ITPR2: variants seen among roughly 807,000 people sequenced by gnomAD.
ITPR2 encodes the protein inositol 1,4,5-trisphosphate receptor type 2.
ITPR2 carries 207 observed loss-of-function variants against 317.1 expected under a neutral mutation model. The observed-to-expected ratio is 0.65, with a 90% CI of 0.58 to 0.73. The LOEUF is 0.73. ITPR2 is among the 30% of genes least tolerant of loss of function. The pLI is 0.00. For missense variants in ITPR2, 2,613 were observed against 3,284.0 expected (o/e 0.80, Z 4.99); for synonymous variants, 1,156 against 1,149.1 (o/e 1.01, Z -0.12).
intron 32 of ITPR2, among the ~76,000 whole-genome samples, chr12:26,589,813 T>A (rs374117848): frequency 0.16 from 5,628 of 34,380 alleles, 1,291 homozygotes; most frequent in Non-Finnish European, 0.23. Flanking sequence ...AAATAAAAAA[T>A]AAATAAATAA....
intron 55 of ITPR2, among the ~76,000 whole-genome samples, chr12:26,380,670 T>G (rs1939482599): frequency 6.6e-6 from 1 of 152,198 alleles, no homozygotes; most frequent in Admixed American, 6.5e-5. Flanking sequence ...ACATATAATT[T>G]CATAATTATG....
At chr12:26,578,878 A>C in intron 33 of ITPR2, 45 bp from the exon 34 acceptor site, 5 of 1,566,174 alleles carry the variant, frequency 3.2e-6, no homozygotes, top group Non-Finnish European at 4.4e-6. Flanking sequence ...CTAAACCATT[A>C]ACAGCCCTGA....
chr12:26,710,959 TTTG>T (rs1257740700), intron 9 of ITPR2, among the ~76,000 whole-genome samples: 2 of 152,198 alleles, frequency 1.3e-5, no homozygotes, highest in Non-Finnish European at 2.9e-5. Context: ...CTGCAGAGTT[TTTG>T]TTGTTATTAT....
rs567253247 is a variant in ITPR2, at chr12:26,829,573, A to G, written c.92+3117T>C. ...CCCAGGCTGGATCACGGCATTCTTA[A>G]TTTTACAGTTTGTCTTATTCTATAA... On this transcript the variant is annotated intron_variant, in intron 1 of 56. Transcript: ENST00000381340. Among the ~76,000 whole-genome samples the G allele has an allele frequency of 1.2e-4, 19 of 152,108 alleles. 1 individual carries two copies. In the South Asian group the frequency reaches 2.7e-3, roughly 22 times the overall value.
chr12:26,642,558 G>A (rs1947015213), intron 21 of ITPR2, among the ~76,000 whole-genome samples: 1 of 152,180 alleles, frequency 6.6e-6, no homozygotes, highest in Non-Finnish European at 1.5e-5. Flanking sequence ...CCGGAGCTGT[G>A]AGCAATAAAT....
chr12:26,508,031 A>C (rs773635619), intron 37 of ITPR2, among the ~76,000 whole-genome samples: 28 of 152,090 alleles, frequency 1.8e-4, no homozygotes, highest in Non-Finnish European at 4.0e-4. Flanking sequence ...GTAAGCATAA[A>C]TGACTGGGTT....
chr12:26,451,993 A>G (rs1941753376), intron 45 of ITPR2, among the ~76,000 whole-genome samples: 1 of 152,180 alleles, frequency 6.6e-6, no homozygotes, highest in African/African-American at 2.4e-5. Flanking sequence ...ATGCTTCTCA[A>G]AATGGGGTTT....
chr12:26,345,855 A>T (rs1229970819), intron 55 of ITPR2, among the ~76,000 whole-genome samples: 1 of 149,410 alleles, frequency 6.7e-6, no homozygotes, highest in Non-Finnish European at 1.5e-5. Flanking sequence ...TCGACTTGTA[A>T]TATGTATGCC....
chr12:26,392,260 A>G (rs1400670864), intron 54 of ITPR2, among the ~76,000 whole-genome samples: 3 of 152,202 alleles, frequency 2.0e-5, no homozygotes, highest in Non-Finnish European at 4.4e-5. Context: ...CTGTTAATGA[A>G]GTCCTTGTTG....
At chr12:26,669,754 A>G (rs1314157530) in intron 13 of ITPR2, among the ~76,000 whole-genome samples, 1 of 152,270 alleles carries the variant, frequency 6.6e-6, no homozygotes, top group East Asian at 1.9e-4. Context: ...GCATTGCCTC[A>G]CTCAGGAAGC....
intron 45 of ITPR2, among the ~76,000 whole-genome samples, chr12:26,463,083 C>T (rs954234951): frequency 2.6e-5 from 4 of 152,170 alleles, no homozygotes; most frequent in Non-Finnish European, 4.4e-5. Context: ...CAGAATATTA[C>T]TTAGTGATCT....
At position 26,336,608 on chromosome 12, in the gene ITPR2, A is replaced by G. The variant is rs1937923659; in HGVS notation, c.*2789T>C. 6.6e-6 allele frequency: 1 copy of G among 152,208 alleles called. No individual in the cohort carries two copies. Among genetic ancestry groups the G allele is most frequent in the Non-Finnish European group, 1.5e-5 (1 of 68,042 alleles). 9.4% of individuals were successfully genotyped at this position (152,208 alleles called of 1,614,324 possible). A position where few individuals can be genotyped will look rare whatever the true frequency, so the allele number is the denominator to read the frequency against. On this transcript the variant is annotated 3_prime_UTR_variant, in exon 57 of 57. Coordinates refer to ENST00000381340, the MANE Select transcript of ITPR2 (RefSeq NM_002223.4). ...AGTGTTATTTTAACTCAGAAAACATACTGGCATTAAGCTCTTGAGCCTCAG... is the reference window on the plus strand; with the variant it reads ...AGTGTTATTTTAACTCAGAAAACATGCTGGCATTAAGCTCTTGAGCCTCAG...
Position 26,621,315 on chromosome 12 carries a change from A to G in ITPR2, c.3289-19T>C, listed in dbSNP as rs201101835. 12 of 1,577,838 alleles carry G rather than the reference A, an allele frequency of 7.6e-6. No individual in the cohort carries two copies. In the Admixed American group the frequency reaches 2.1e-4, roughly 28 times the overall value. On this transcript the variant is annotated intron_variant, in intron 25 of 56. Coordinates refer to ENST00000381340, the MANE Select transcript of ITPR2 (RefSeq NM_002223.4). The stretch of plus-strand genomic sequence containing the variant: ...ATTGCACCTAAAACAGAAGAATTTC[A>G]ATCTTAGTTGAAGTTCACTATTTCT...
intron 55 of ITPR2, among the ~76,000 whole-genome samples, chr12:26,386,121 G>GT (rs1939658094): frequency 6.6e-6 from 1 of 152,088 alleles, no homozygotes; most frequent in African/African-American, 2.4e-5. Context: ...TGTTTTACAT[G>GT]TTTTTACCCT....
intron 47 of ITPR2, among the ~76,000 whole-genome samples, chr12:26,437,924 C>T (rs565244115): frequency 5.0e-4 from 76 of 152,208 alleles, no homozygotes; most frequent in Non-Finnish European, 9.4e-4. Flanking sequence ...GCCTCAGCCT[C>T]CCGAGTAGCT....
At position 26,689,745 on chromosome 12, in the gene ITPR2, A is replaced by C. The variant is rs554501746; in HGVS notation, c.997-3113T>G. On this transcript the variant is annotated intron_variant, in intron 10 of 56. Transcript: ENST00000381340. ...CAGGGCCCAGTAGAAGACCATGTGC[A>C]AGTAGGAATTCCTTGTCAAGGTTAA... Among the ~76,000 whole-genome samples, 61 of 152,314 alleles carry C rather than the reference A, an allele frequency of 4.0e-4. 2 individuals carry two copies. The highest frequency in any genetic ancestry group is 1.4e-3 in the African/African-American group (59 of 41,572).
intron 2 of ITPR2, among the ~76,000 whole-genome samples, chr12:26,787,630 T>C (rs755327765): frequency 9.2e-5 from 14 of 152,216 alleles, no homozygotes; most frequent in Non-Finnish European, 1.5e-4. Flanking sequence ...AGATTAATTC[T>C]TCCTGACCAA....
chr12:26,644,090 C>A (rs1047493671), intron 21 of ITPR2, among the ~76,000 whole-genome samples: 4 of 152,152 alleles, frequency 2.6e-5, no homozygotes, highest in Non-Finnish European at 4.4e-5. Flanking sequence ...ATGACCCCAG[C>A]AGATTTAGGA....
chr12:26,494,314 T>C lies in ITPR2; in HGVS notation c.5209A>G (p.Lys1737Glu). 4.4e-6 allele frequency: 7 copies of C among 1,609,012 alleles called. No homozygotes were observed. Among genetic ancestry groups the C allele is most frequent in the Non-Finnish European group, 5.9e-6 (7 of 1,178,340 alleles). ...ATGTCTGACATTGATATCCCCATCTTATCTGAATCTTGTCCAGAAAAGCTT... is the reference window on the plus strand; with the variant it reads ...ATGTCTGACATTGATATCCCCATCTCATCTGAATCTTGTCCAGAAAAGCTT... ...GGSFSGQDSD[K>E]MGISMSDIQC... Residue 1737 changes from lysine to glutamate, a missense_variant, in exon 39 of 57, where the codon AAG becomes GAG. Physicochemically the swap from Lys to Glu is moderately conservative, Grantham distance 56 (BLOSUM62 1). Coordinates refer to ENST00000381340, the MANE Select transcript of ITPR2 (RefSeq NM_002223.4).
Sources: allele counts gnomAD v4.1 joint callset (sites outside exome capture counted in the v4.1 genomes callset), GRCh38; gene constraint gnomAD v4.1.1; transcripts MANE v1.5; gene names NCBI Gene and HGNC (gene_info 2026-07-23, HGNC 2026-07-21).